Variants in CDH12 observed in about 807,000 individuals in gnomAD.
CDH12 encodes cadherin 12.
In CDH12, 41 loss-of-function variants were observed where a neutral mutation model predicts 74.1. The observed-to-expected ratio is 0.55, with a 90% confidence interval of 0.43 to 0.72. The LOEUF (loss-of-function observed/expected upper bound fraction) is 0.72. Ranked by LOEUF, CDH12 falls within the 30% of genes least tolerant of loss-of-function variation. CDH12 has a pLI of 0.00. For synonymous variants in CDH12, 399 were observed against 355.0 expected, an observed-to-expected ratio of 1.12 and a Z score of -1.39; for missense variants, 945 against 977.2, an observed-to-expected ratio of 0.97 and a Z score of 0.44.
intron 6 of CDH12, among the ~76,000 whole-genome samples, chr5:21,937,353 T>C (rs1420520358): frequency 1.3e-5 from 2 of 152,118 alleles, no homozygotes; most frequent in African/African-American, 4.8e-5. Flanking sequence ...TGGAAATGAA[T>C]GAGATTACAG....
intron 6 of CDH12, among the ~76,000 whole-genome samples, chr5:21,856,989 T>A (rs1052925055): frequency 8.6e-5 from 13 of 151,874 alleles, no homozygotes; most frequent in African/African-American, 3.1e-4. Context: ...AGAATGGAAC[T>A]AAACACCACG....
At chr5:21,759,203 TATA>T (rs1429107812) in intron 13 of CDH12, among the ~76,000 whole-genome samples, 1 of 152,142 alleles carries the variant, frequency 6.6e-6, no homozygotes, top group African/African-American at 2.4e-5. Context: ...ACATTTAAAG[TATA>T]ATGTTTCTAT....
At chr5:22,300,869 A>G (rs1445222421) in intron 3 of CDH12, among the ~76,000 whole-genome samples, 1 of 152,216 alleles carries the variant, frequency 6.6e-6, no homozygotes, top group Non-Finnish European at 1.5e-5. Flanking sequence ...CTCAAAGGTT[A>G]AAACTATTTT....
At chr5:21,940,012 G>A (rs1755259836) in intron 6 of CDH12, among the ~76,000 whole-genome samples, 1 of 152,186 alleles carries the variant, frequency 6.6e-6, no homozygotes, top group Middle Eastern at 3.4e-3. Context: ...CTTGAAGTCA[G>A]GAGTTTTAGA....
intron 5 of CDH12, among the ~76,000 whole-genome samples, chr5:21,990,098 C>T (rs971361959): frequency 2.0e-5 from 3 of 152,034 alleles, no homozygotes; most frequent in Admixed American, 6.6e-5. Context: ...CTTTAGAGGT[C>T]GAAGTTTTCT....
At chr5:22,718,051 T>G (rs1193530707) in intron 1 of CDH12, among the ~76,000 whole-genome samples, 2 of 152,190 alleles carry the variant, frequency 1.3e-5, no homozygotes, top group African/African-American at 4.8e-5. Flanking sequence ...CTCATGCATT[T>G]TAAGAATGCC....
At position 21,970,398 on chromosome 5, in the gene CDH12, C is replaced by T. The variant is rs182159039; in HGVS notation, c.526+4693G>A. On this transcript the variant is annotated intron_variant, in intron 6 of 14. Transcript: ENST00000382254. ...AGAATATATCTAGTTTTTTATGTTT[C>T]GATTTGTCTCTCTATGGCATTTTTG... is the stretch of plus-strand genomic sequence containing the variant. Among the ~76,000 whole-genome samples the T allele has an allele frequency of 3.7e-3, 558 of 152,110 alleles. 4 individuals are homozygous for T. Among genetic ancestry groups the T allele is most frequent in the African/African-American group, 0.012 (518 of 41,482 alleles).
At chr5:22,721,065 T>C (rs1051800945) in intron 1 of CDH12, among the ~76,000 whole-genome samples, 1 of 152,214 alleles carries the variant, frequency 6.6e-6, no homozygotes, top group Admixed American at 6.5e-5. Context: ...GGGGAAAATG[T>C]CTCCAGGGCA....
At chr5:21,934,200 C>T (rs1754970867) in intron 6 of CDH12, among the ~76,000 whole-genome samples, 1 of 152,120 alleles carries the variant, frequency 6.6e-6, no homozygotes, top group Non-Finnish European at 1.5e-5. Context: ...TTGTGATCCC[C>T]AGTGTTGGAG....
rs1352257790 is a variant in CDH12, at chr5:21,760,638, G to A, written c.1553C>T (p.Ser518Leu). 1.6e-5 allele frequency: 25 copies of A among 1,611,068 alleles called. No individual in the cohort carries two copies. The highest frequency in any genetic ancestry group is 2.0e-5 in the Non-Finnish European group (24 of 1,177,590). ...QIVSAADRDL[S>L]PAGQQFSFRL... ...AAAGGAGAATTGTTGCCCAGCAGGT[G>A]AAAGATCTCGGTCTGCAGCACTGAC... is the stretch of plus-strand genomic sequence containing the variant. The change falls in exon 13 of 15, where the codon TCA becomes TTA. Residue 518 changes from serine (S) to leucine (L), a missense_variant. Coordinates refer to ENST00000382254, the MANE Select transcript of CDH12 (RefSeq NM_004061.5).
At chr5:21,757,263 C>T (rs768371531) in intron 13 of CDH12, among the ~76,000 whole-genome samples, 2 of 152,138 alleles carry the variant, frequency 1.3e-5, no homozygotes, top group Non-Finnish European at 2.9e-5. Flanking sequence ...GCAACCTCCG[C>T]CTCCTGGGTT....
intron 1 of CDH12, among the ~76,000 whole-genome samples, chr5:22,780,433 T>C (rs1251791876): frequency 6.6e-6 from 1 of 152,156 alleles, no homozygotes; most frequent in Non-Finnish European, 1.5e-5. Context: ...TATTTCTGCA[T>C]GGCTAGGAAG....
chr5:21,870,682 C>T (rs1460023157), intron 6 of CDH12, among the ~76,000 whole-genome samples: 1 of 152,072 alleles, frequency 6.6e-6, no homozygotes, highest in African/African-American at 2.4e-5. Context: ...ATGGCTTCTC[C>T]ATCCTCTTTA....
intron 5 of CDH12, among the ~76,000 whole-genome samples, chr5:21,988,955 G>T (rs921686335): frequency 2.0e-5 from 3 of 152,134 alleles, no homozygotes; most frequent in South Asian, 2.1e-4. Context: ...TAGGAGAAAC[G>T]TAAGAATCCT....
chr5:21,970,909 T>C (rs1182261082), intron 6 of CDH12, among the ~76,000 whole-genome samples: 1 of 136,032 alleles, frequency 7.4e-6, no homozygotes, highest in African/African-American at 2.8e-5. Flanking sequence ...AAATAACCTC[T>C]GAAAAACTCC....
In CDH12 at chr5:21,874,593, A is replaced by G. The variant is rs547631076; in HGVS notation, c.527-19803T>C. Among the ~76,000 whole-genome samples the G allele has an allele frequency of 4.6e-5, 7 of 152,222 alleles. No individual in the cohort carries two copies. The East Asian group carries it at 5.8e-4, about 13-fold the overall frequency. ...GGCAACCCCCTTTCAGTCCCCTCCCATTGTATGGGAGCTCTGTTTTCACTC... is the reference window on the plus strand; with the variant it reads ...GGCAACCCCCTTTCAGTCCCCTCCCGTTGTATGGGAGCTCTGTTTTCACTC... On this transcript the variant is annotated intron_variant, in intron 6 of 14. Coordinates refer to ENST00000382254, the MANE Select transcript of CDH12 (RefSeq NM_004061.5).
intron 2 of CDH12, among the ~76,000 whole-genome samples, chr5:22,425,153 G>GTATATATA (rs1331299083): frequency 0.01 from 911 of 87,996 alleles, 13 homozygotes; most frequent in African/African-American, 0.034. Context: ...ATGTGTGTGT[G>GTATATATA]TATATATATA....
intron 4 of CDH12, among the ~76,000 whole-genome samples, chr5:22,194,036 G>T (rs1480052990): frequency 1.3e-5 from 2 of 152,112 alleles, no homozygotes; most frequent in East Asian, 3.9e-4. Context: ...TGAAAATGAG[G>T]CTTCTATGTT....
At chr5:22,505,665 T>C (rs2126663261) in intron 1 of CDH12, among the ~76,000 whole-genome samples, 1 of 152,254 alleles carries the variant, frequency 6.6e-6, no homozygotes, top group East Asian at 1.9e-4. Flanking sequence ...TCACTAGTTT[T>C]TCTCCTAATG....
Sources: gnomAD v4.1 joint callset for allele counts (sites outside exome capture counted in the v4.1 genomes callset) on GRCh38, gnomAD v4.1.1 for gene constraint, MANE v1.5 for transcripts, NCBI Gene and HGNC (gene_info 2026-07-23, HGNC 2026-07-21) for gene names.